Variants in RNLS observed in about 807,000 individuals in gnomAD.
The protein encoded by RNLS is renalase, FAD dependent amine oxidase, also known as renalase.
A neutral mutation model predicts 39.8 loss-of-function variants in RNLS; 39 were observed. The ratio of observed to expected loss-of-function variants is 0.98; its 90% CI spans 0.76 to 1.28. The LOEUF (loss-of-function observed/expected upper bound fraction) is 1.28. Among genes scored for constraint, RNLS ranks in the 50% most tolerant of loss-of-function variants. RNLS has a pLI of 0.00. For missense variants in RNLS, 410 were observed against 413.3 expected (o/e 0.99, Z 0.07); for synonymous variants, 147 against 150.7 (o/e 0.98, Z 0.18).
At chr10:88,414,576 A>G (rs1381751305) in intron 4 of RNLS, among the ~76,000 whole-genome samples, 1 of 152,214 alleles carries the variant, frequency 6.6e-6, no homozygotes, top group Non-Finnish European at 1.5e-5. Flanking sequence ...CACTGTGTGC[A>G]TGGAAAAATT....
chr10:88,473,116 C>T (rs1361577625), intron 4 of RNLS, among the ~76,000 whole-genome samples: 1 of 152,004 alleles, frequency 6.6e-6, no homozygotes, highest in East Asian at 1.9e-4. Flanking sequence ...ATACTGTAGG[C>T]AACTGTAGCA....
In RNLS at chr10:88,285,324, A is replaced by C. The variant is rs770289581; in HGVS notation, c.*30T>G. 2.6e-5 allele frequency: 39 copies of C among 1,512,376 alleles called. No individual in the cohort carries two copies. The East Asian group carries it at 9.2e-4, about 36-fold the overall frequency. 93.7% of individuals were successfully genotyped at this position (1,512,376 alleles called of 1,614,324 possible). On this transcript the variant is annotated 3_prime_UTR_variant, in exon 7 of 7. Transcript: ENST00000331772. ...AGAAAATTGTGAAAATAAAAACCCA[A>C]TACACATGTAGAGAATAAGGATATA... is the stretch of plus-strand genomic sequence containing the variant.
intron 4 of RNLS, among the ~76,000 whole-genome samples, chr10:88,501,657 G>A (rs528029310): frequency 6.6e-6 from 1 of 152,182 alleles, no homozygotes; most frequent in South Asian, 2.1e-4. Context: ...AAATATCTTC[G>A]TCATTTGCAC....
chr10:88,284,973 A>T lies in RNLS; in HGVS notation c.*381T>A. 2.0e-6 allele frequency: 2 copies of T among 990,206 alleles called. No homozygotes were observed. The highest frequency in any genetic ancestry group is 2.4e-6 in the Non-Finnish European group (2 of 833,192). 61.3% of individuals were successfully genotyped at this position (990,206 alleles called of 1,614,324 possible). On this transcript the variant is annotated 3_prime_UTR_variant, in exon 7 of 7. Transcript: ENST00000331772. ...CGAAGACTTAAGATGGGGCTTTGAT[A>T]ATGTGATTATTCTTTATTCAGAATT... is the stretch of plus-strand genomic sequence containing the variant.
intron 4 of RNLS, among the ~76,000 whole-genome samples, chr10:88,524,923 A>G (rs1846987793): frequency 7.4e-6 from 1 of 135,660 alleles, no homozygotes; most frequent in Admixed American, 7.6e-5. Context: ...TTTAAACTCC[A>G]TGTATGCCAT....
intron 4 of RNLS, among the ~76,000 whole-genome samples, chr10:88,465,199 G>A (rs929167886): frequency 3.3e-5 from 5 of 151,994 alleles, no homozygotes; most frequent in East Asian, 3.9e-4. Context: ...AAACAAGACC[G>A]TTTTTCCAAA....
Position 88,275,115 on chromosome 10 carries a change from C to T in RNLS, c.877-83G>A. The T allele has an allele frequency of 2.9e-6, 3 of 1,048,122 alleles. No homozygotes were observed. In the South Asian group the frequency reaches 3.9e-5, roughly 14 times the overall value. The allele number at this position is 1,048,122 out of a possible 1,614,324, so 64.9% of individuals were successfully genotyped here. ...CACCTTGTCTACACTAATAGTGGTTCTTTGCTTTCACGGAACATATATAGA... is the reference window on the plus strand; with the variant it reads ...CACCTTGTCTACACTAATAGTGGTTTTTTGCTTTCACGGAACATATATAGA... On this transcript the variant is annotated intron_variant, in intron 6 of 6. Transcript: ENST00000371947.
the RNLS span, among the ~76,000 whole-genome samples, chr10:88,195,422 C>G: frequency 6.6e-6 from 1 of 152,018 alleles, no homozygotes; most frequent in Non-Finnish European, 1.5e-5. Context: ...TAATTTCACA[C>G]CCCCCTCCTT....
In RNLS at chr10:88,285,216, C is replaced by G; in HGVS notation, c.*138G>C. On this transcript the variant is annotated 3_prime_UTR_variant, in exon 7 of 7. Coordinates refer to ENST00000331772, the MANE Select transcript of RNLS (RefSeq NM_001031709.3). ...TCAAAATTACAAAATTGATTTTATA[C>G]TCCACATGAAAAATGATAATAAGTG... is the stretch of plus-strand genomic sequence containing the variant. 7.3e-7 allele frequency: 1 copy of G among 1,363,514 alleles called. No individual in the cohort carries two copies. Among genetic ancestry groups the G allele is most frequent in the Non-Finnish European group, 9.5e-7 (1 of 1,056,824 alleles). The allele number at this position is 1,363,514 out of a possible 1,614,324, so 84.5% of individuals were successfully genotyped here.
the RNLS span, among the ~76,000 whole-genome samples, chr10:88,202,368 C>T: frequency 6.6e-6 from 1 of 151,974 alleles, no homozygotes; most frequent in African/African-American, 2.4e-5. Flanking sequence ...TTAGTGGGTG[C>T]AGCACACCAA....
chr10:88,282,496 C>G (rs1281326922), downstream of RNLS, among the ~76,000 whole-genome samples: 2 of 148,710 alleles, frequency 1.3e-5, no homozygotes, highest in Non-Finnish European at 3.0e-5. Context: ...CACACACACA[C>G]ACACACACAC....
chr10:88,350,601 T>C (rs1848621381), intron 5 of RNLS, among the ~76,000 whole-genome samples: 1 of 152,202 alleles, frequency 6.6e-6, no homozygotes. Context: ...ATGGTGTATA[T>C]GTGCCACATT....
chr10:88,378,918 C>T (rs1372398500), intron 4 of RNLS, among the ~76,000 whole-genome samples: 1 of 152,088 alleles, frequency 6.6e-6, no homozygotes, highest in Non-Finnish European at 1.5e-5. Context: ...TTCCCTGGGT[C>T]CCTACAATAG....
downstream of RNLS, among the ~76,000 whole-genome samples, chr10:88,271,612 G>A (rs1204145690): frequency 6.6e-6 from 1 of 152,164 alleles, no homozygotes; most frequent in African/African-American, 2.4e-5. Flanking sequence ...CAGGCTCTTG[G>A]GTTCTCAGAG....
chr10:88,377,229 TACACACACATATACAC>T (rs755194524), intron 4 of RNLS, among the ~76,000 whole-genome samples: 168 of 69,918 alleles, frequency 2.4e-3, no homozygotes, highest in Non-Finnish European at 3.7e-3. Flanking sequence ...TATCTCCACA[TACACACACATATACAC>T]ACACACACAC....
At chr10:88,173,738 C>T in the RNLS span, among the ~76,000 whole-genome samples, 1 of 152,052 alleles carries the variant, frequency 6.6e-6, no homozygotes, top group Non-Finnish European at 1.5e-5. Flanking sequence ...ACTAATTATT[C>T]TTGCTGCACT....
At chr10:88,183,068 C>G in the RNLS span, among the ~76,000 whole-genome samples, 1 of 152,088 alleles carries the variant, frequency 6.6e-6, no homozygotes, top group African/African-American at 2.4e-5. Flanking sequence ...AGCATATTAG[C>G]ATGCTTCTTG....
the RNLS span, among the ~76,000 whole-genome samples, chr10:88,253,688 A>T: frequency 6.6e-6 from 1 of 152,176 alleles, no homozygotes; most frequent in African/African-American, 2.4e-5. Flanking sequence ...GAGTCTTCTG[A>T]ATTCCAAGCC....
intron 4 of RNLS, among the ~76,000 whole-genome samples, chr10:88,469,688 TTC>T (rs1454699997): frequency 6.6e-6 from 1 of 152,126 alleles, no homozygotes; most frequent in African/African-American, 2.4e-5. Context: ...CTTTTTTCTT[TTC>T]TGTTTCTTTT....
Sources: allele counts gnomAD v4.1 joint callset (sites outside exome capture counted in the v4.1 genomes callset), GRCh38; gene constraint gnomAD v4.1.1; transcripts MANE v1.5; gene names NCBI Gene and HGNC (gene_info 2026-07-23, HGNC 2026-07-21).